Variants in RORB observed in about 807,000 individuals in gnomAD.
The protein encoded by RORB is RAR related orphan receptor B, also known as nuclear receptor ROR-beta.
A neutral mutation model predicts 59.1 loss-of-function variants in RORB; 6 were observed. The ratio of observed to expected loss-of-function variants is 0.10; its 90% CI spans 0.06 to 0.20. The LOEUF (loss-of-function observed/expected upper bound fraction) is 0.20. Ranked by LOEUF, RORB falls within the 10% of genes least tolerant of loss-of-function variation. The pLI is 1.00. For synonymous variants in RORB, 215 were observed against 204.5 expected, an observed-to-expected ratio of 1.05 and a Z score of -0.44; for missense variants, 320 against 560.5, an observed-to-expected ratio of 0.57 and a Z score of 4.33.
At position 74,685,731 on chromosome 9, in the gene RORB, G is replaced by T; in HGVS notation, c.*113G>T. ...ACTACTGCAACATTAGGAATGTCCT[G>T]CACTTAATAGAATTATTTTTCACCG... On this transcript the variant is annotated 3_prime_UTR_variant, in exon 10 of 10. Coordinates refer to ENST00000376896, the MANE Select transcript of RORB (RefSeq NM_006914.4). 1.4e-6 allele frequency: 1 copy of T among 698,458 alleles called. No homozygotes were observed. Among genetic ancestry groups the T allele is most frequent in the Non-Finnish European group, 2.2e-6 (1 of 462,382 alleles). The allele number at this position is 698,458 out of a possible 1,614,324, so 43.3% of individuals were successfully genotyped here.
At chr9:74,547,124 T>C (rs1191954869) in intron 1 of RORB, among the ~76,000 whole-genome samples, 2 of 152,118 alleles carry the variant, frequency 1.3e-5, no homozygotes, top group African/African-American at 4.8e-5. Context: ...TGTTTTGGTT[T>C]TTTTTGTTAT....
At chr9:74,606,300 T>G (rs546190260) in intron 1 of RORB, among the ~76,000 whole-genome samples, 198 of 152,358 alleles carry the variant, frequency 1.3e-3, no homozygotes, top group African/African-American at 4.4e-3. Context: ...TTTCTGCTTT[T>G]ACCTTTAAGT....
At chr9:74,546,495 G>A (rs926523370) in intron 1 of RORB, among the ~76,000 whole-genome samples, 2 of 152,162 alleles carry the variant, frequency 1.3e-5, no homozygotes, top group Admixed American at 1.3e-4. Flanking sequence ...AAAGGTTTTA[G>A]AAGAAGGGCA....
chr9:74,619,970 G>A (rs189063414), intron 1 of RORB, among the ~76,000 whole-genome samples: 56 of 152,216 alleles, frequency 3.7e-4, no homozygotes, highest in African/African-American at 1.2e-3. Context: ...TTTTTGCATC[G>A]ATGTTCGTCA....
At chr9:74,673,445 A>G (rs1394457475) in intron 9 of RORB, among the ~76,000 whole-genome samples, 1 of 152,102 alleles carries the variant, frequency 6.6e-6, no homozygotes, top group Non-Finnish European at 1.5e-5. Flanking sequence ...CTCATCATCT[A>G]TAAAATGAAG....
chr9:74,684,075 A>G (rs1388712351), intron 9 of RORB, among the ~76,000 whole-genome samples: 2 of 152,230 alleles, frequency 1.3e-5, no homozygotes, highest in Non-Finnish European at 2.9e-5. Flanking sequence ...TTAAGATTGG[A>G]AAGTCTGAAC....
chr9:74,593,547 A>G (rs1822932083), intron 1 of RORB, among the ~76,000 whole-genome samples: 1 of 151,850 alleles, frequency 6.6e-6, no homozygotes, highest in African/African-American at 2.4e-5. Context: ...CCTAAAGCTT[A>G]TCACTCTTCC....
In RORB at chr9:74,686,520, C is replaced by G. The variant is rs768566977; in HGVS notation, c.*902C>G. ...AACAGTAGATATTTTCTATTTTTCA[C>G]CAGAACACATAAAAACACTTTTTTT... On this transcript the variant is annotated 3_prime_UTR_variant, in exon 10 of 10. Transcript: ENST00000376896. 1 of 152,132 alleles carries G rather than the reference C, an allele frequency of 6.6e-6. No individual in the cohort carries two copies. The highest frequency in any genetic ancestry group is 1.5e-5 in the Non-Finnish European group (1 of 68,022). The allele number at this position is 152,132 out of a possible 1,614,324, so 9.4% of individuals were successfully genotyped here.
At chr9:74,650,287 T>C (rs1823970091) in intron 4 of RORB, among the ~76,000 whole-genome samples, 1 of 152,216 alleles carries the variant, frequency 6.6e-6, no homozygotes, top group Admixed American at 6.5e-5. Context: ...CATTGGCTTT[T>C]AGAGCTCTGA....
At chr9:74,587,460 T>C (rs62554058) in intron 1 of RORB, among the ~76,000 whole-genome samples, 47,232 of 152,114 alleles carry the variant, frequency 0.31, 7,504 homozygotes, top group Non-Finnish European at 0.35. Context: ...ATAGCCTTAC[T>C]GTCTCTTAAA....
At chr9:74,564,219 T>C (rs1472231267) in intron 1 of RORB, among the ~76,000 whole-genome samples, 1 of 152,170 alleles carries the variant, frequency 6.6e-6, no homozygotes, top group Non-Finnish European at 1.5e-5. Flanking sequence ...AAGATGGTGT[T>C]CTAACATCTG....
At chr9:74,517,435 G>T (rs932389182) in intron 1 of RORB, among the ~76,000 whole-genome samples, 1 of 151,986 alleles carries the variant, frequency 6.6e-6, no homozygotes, top group Non-Finnish European at 1.5e-5. Context: ...GTACGGCGTG[G>T]TGGTGTGGAT....
chr9:74,589,877 C>A (rs562426884), intron 1 of RORB, among the ~76,000 whole-genome samples: 4 of 152,140 alleles, frequency 2.6e-5, no homozygotes, highest in Non-Finnish European at 5.9e-5. Flanking sequence ...CCACAATTTG[C>A]ACACTGCTAT....
chr9:74,642,643 T>C lies in RORB; in HGVS notation c.465T>C (p.Tyr155=), dbSNP rs758025910. 2 of 1,614,176 alleles carry C rather than the reference T, an allele frequency of 1.2e-6. No individual in the cohort carries two copies. Among genetic ancestry groups the C allele is most frequent in the Admixed American group, 3.3e-5 (2 of 60,026 alleles). The part of the protein sequence containing the change: ...HVIDLPKSEG[Y]YNVDSGQPSP... ...TTGACCTGCCCAAGTCTGAGGGTTATTACAACGTCGATTCCGGTCAGCCGT... is the reference window on the plus strand; with the variant it reads ...TTGACCTGCCCAAGTCTGAGGGTTACTACAACGTCGATTCCGGTCAGCCGT... The change falls in exon 4 of 10, where the codon TAT becomes TAC. Residue 155 remains tyrosine (Y), a synonymous_variant. Coordinates refer to ENST00000376896, the MANE Select transcript of RORB (RefSeq NM_006914.4).
At chr9:74,544,595 C>T (rs531632157) in intron 1 of RORB, among the ~76,000 whole-genome samples, 32 of 152,318 alleles carry the variant, frequency 2.1e-4, no homozygotes, top group African/African-American at 7.0e-4. Context: ...TCCCTCCAAA[C>T]GCAGCCTTAC....
chr9:74,558,988 G>C (rs546824164), intron 1 of RORB, among the ~76,000 whole-genome samples: 1 of 152,236 alleles, frequency 6.6e-6, no homozygotes, highest in African/African-American at 2.4e-5. Flanking sequence ...ATTATGAAAA[G>C]AAAATTCTAG....
intron 1 of RORB, among the ~76,000 whole-genome samples, chr9:74,579,273 CTG>C (rs1454676809): frequency 7.9e-5 from 12 of 152,068 alleles, no homozygotes; most frequent in African/African-American, 2.7e-4. Context: ...AGCAAAACTA[CTG>C]TTTTATTACT....
intron 8 of RORB, among the ~76,000 whole-genome samples, chr9:74,670,072 T>TC (rs1318064453): frequency 6.9e-6 from 1 of 144,614 alleles, no homozygotes; most frequent in African/African-American, 2.6e-5. Context: ...CCTCTAGGCC[T>TC]TTTTTTTTTT....
chr9:74,642,268 G>A, intron 3 of RORB, 146 bp from the exon 4 acceptor site: 1 of 760,180 alleles, frequency 1.3e-6, no homozygotes, highest in Non-Finnish European at 2.1e-6. Context: ...GATGTGGAGT[G>A]CAAATGAATG....
Sources: gnomAD v4.1 joint callset for allele counts (sites outside exome capture counted in the v4.1 genomes callset) on GRCh38, gnomAD v4.1.1 for gene constraint, MANE v1.5 for transcripts, NCBI Gene and HGNC (gene_info 2026-07-23, HGNC 2026-07-21) for gene names.